FKBP9: variants seen among roughly 807,000 people sequenced by gnomAD.
FKBP9 encodes FKBP prolyl isomerase 9.
Under a neutral mutation model 55.6 loss-of-function variants are expected in FKBP9, and 27 were observed. That is an observed-to-expected ratio of 0.49 (90% CI 0.36 to 0.67). FKBP9 has a LOEUF of 0.67. Among genes scored for constraint, FKBP9 ranks in the 30% least tolerant of loss-of-function variants. FKBP9 has a pLI of 0.00. For synonymous variants in FKBP9, 267 were observed against 296.5 expected (o/e 0.90, Z 1.02); for missense variants, 539 against 742.8 (o/e 0.73, Z 3.19).
intron 1 of FKBP9, among the ~76,000 whole-genome samples, chr7:32,969,442 T>C (rs1330647352): frequency 5.9e-5 from 9 of 152,192 alleles, no homozygotes; most frequent in Non-Finnish European, 1.3e-4. Flanking sequence ...TTCTTTTGCA[T>C]GTGGAGATCC....
At position 33,005,322 on chromosome 7, in the gene FKBP9, G is replaced by C. The variant is rs1433569572; in HGVS notation, c.1684G>C (p.Asp562His). 3 of 1,613,952 alleles carry C rather than the reference G, an allele frequency of 1.9e-6. No individual in the cohort carries two copies. Among genetic ancestry groups the C allele is most frequent in the Non-Finnish European group, 2.5e-6 (3 of 1,179,890 alleles). Reference sequence around the variant, plus strand: ...CACAGCCGAGGAATTTAAACTCAAAGACCAGGAAGCCAAACACGATGAACT... The same window carrying C: ...CACAGCCGAGGAATTTAAACTCAAACACCAGGAAGCCAAACACGATGAACT... ...KVTAEEFKLKDQEAKHDEL is the reference protein window; with the variant it reads ...KVTAEEFKLKHQEAKHDEL The change falls in exon 10 of 10, where the codon GAC becomes CAC. Residue 562 changes from aspartate (D) to histidine (H), a missense_variant. Around this residue, in one of 4 missense-constraint regions of FKBP9, gnomAD observed 102 missense variants for 200.7 expected, o/e 0.51. Coordinates refer to ENST00000242209, the MANE Select transcript of FKBP9 (RefSeq NM_007270.5).
At chr7:32,981,152 GC>G (rs879939478) in intron 5 of FKBP9, among the ~76,000 whole-genome samples, 9 of 151,334 alleles carry the variant, frequency 5.9e-5, no homozygotes, top group South Asian at 2.1e-4. Context: ...AGAGAGCTGG[GC>G]TCTAGCCCCT....
chr7:32,971,423 G>A (rs1413527781), intron 1 of FKBP9, among the ~76,000 whole-genome samples: 1 of 152,120 alleles, frequency 6.6e-6, no homozygotes, highest in African/African-American at 2.4e-5. Context: ...AGTTAATACT[G>A]TGAGGCAACA....
At chr7:32,957,878 C>A in intron 1 of FKBP9, 84 bp downstream of exon 1, 1 of 1,055,230 alleles carries the variant, frequency 9.5e-7, no homozygotes, top group South Asian at 2.0e-5. Context: ...GCCGGACCTC[C>A]CCTAGCTCCG....
At chr7:32,989,157 G>A (rs1784635323) in intron 6 of FKBP9, 1 of 152,144 alleles carries the variant, frequency 6.6e-6, no homozygotes, top group Non-Finnish European at 1.5e-5. Context: ...ACCATTGAAA[G>A]TAAGTGCAAA....
chr7:32,968,254 T>A (rs1192363238), intron 1 of FKBP9, among the ~76,000 whole-genome samples: 1 of 152,232 alleles, frequency 6.6e-6, no homozygotes, highest in East Asian at 1.9e-4. Context: ...TTGCCTAGGC[T>A]GGTCTTGAAC....
intron 1 of FKBP9, among the ~76,000 whole-genome samples, chr7:32,965,895 A>AGC (rs1401410615): frequency 2.2e-5 from 3 of 138,986 alleles, no homozygotes; most frequent in Non-Finnish European, 4.6e-5. Context: ...AGAGAGAGAG[A>AGC]GAGAGAGCCA....
chr7:33,005,155 C>T lies in FKBP9; in HGVS notation c.1537-20C>T. On this transcript the variant is annotated intron_variant, in intron 9 of 9. Transcript: ENST00000242209. Reference sequence around the variant, plus strand: ...CATGGCGGCTGAACTCATGGTCTTTCCTGTCCCCTTCTTTTCCAGTTCTCA... The same window carrying T: ...CATGGCGGCTGAACTCATGGTCTTTTCTGTCCCCTTCTTTTCCAGTTCTCA... 8 of 1,610,064 alleles carry T rather than the reference C, an allele frequency of 5.0e-6. No individual in the cohort carries two copies. Among genetic ancestry groups the T allele is most frequent in the Non-Finnish European group, 5.9e-6 (7 of 1,177,334 alleles).
intron 1 of FKBP9, among the ~76,000 whole-genome samples, chr7:32,964,928 G>A (rs961679535): frequency 1.3e-5 from 2 of 152,196 alleles, no homozygotes; most frequent in African/African-American, 4.8e-5. Flanking sequence ...GGCCAGTGGG[G>A]AGGTGAGTTT....
At chr7:33,002,900 G>T in intron 9 of FKBP9, 61 bp downstream of exon 9, 1 of 1,560,570 alleles carries the variant, frequency 6.4e-7, no homozygotes, top group South Asian at 1.2e-5. Flanking sequence ...TGGTAAGGCC[G>T]TGGGGCCGGT....
rs1313750958 is a variant in FKBP9 at position 33,002,238 on chromosome 7, A to G, written c.1373-438A>G. ...AATGTTTGCCTCCCTGGTTCAAGCA[A>G]TTCTCATGCCTCAGCTTCCCGAGTA... On this transcript the variant is annotated intron_variant, in intron 8 of 9. Transcript: ENST00000242209. Among the ~76,000 whole-genome samples the G allele has an allele frequency of 2.6e-5, 4 of 151,938 alleles. 1 individual carries two copies. The highest frequency in any genetic ancestry group is 9.7e-5 in the African/African-American group (4 of 41,346).
chr7:32,967,050 A>G (rs937861541), intron 1 of FKBP9, among the ~76,000 whole-genome samples: 3 of 152,106 alleles, frequency 2.0e-5, no homozygotes, highest in African/African-American at 7.2e-5. Context: ...CTGTAGGGTC[A>G]CCATGGATTG....
At chr7:32,976,101 T>G (rs1784358698) in intron 3 of FKBP9, among the ~76,000 whole-genome samples, 1 of 152,202 alleles carries the variant, frequency 6.6e-6, no homozygotes, top group South Asian at 2.1e-4. Context: ...TTTCTTCTCA[T>G]TAGAGCGTGT....
chr7:32,958,672 C>G (rs954626497), intron 1 of FKBP9, among the ~76,000 whole-genome samples: 3 of 152,200 alleles, frequency 2.0e-5, no homozygotes, highest in Non-Finnish European at 4.4e-5. Context: ...AAACAAAACA[C>G]AACACGACAC....
At chr7:32,964,329 C>G (rs1031457796) in intron 1 of FKBP9, among the ~76,000 whole-genome samples, 1 of 152,126 alleles carries the variant, frequency 6.6e-6, no homozygotes, top group African/African-American at 2.4e-5. Flanking sequence ...TTTAATTTGG[C>G]TGTATGGTAT....
rs774844987 is a variant in FKBP9 at position 33,005,248 on chromosome 7, T to C, written c.1610T>C (p.Ile537Thr). The change falls in exon 10 of 10, where the codon ATT becomes ACT. Residue 537 changes from isoleucine (I) to threonine (T), a missense_variant. Transcript: ENST00000242209. ...GCTCCTGGCTTTGATGCTGAGCTGA[T>C]TGTGAAGAATATGTTCACCAACCAG... is the stretch of plus-strand genomic sequence containing the variant. Reference protein sequence around the residue: ...KLAPGFDAELIVKNMFTNQDR... With the variant: ...KLAPGFDAELTVKNMFTNQDR... 5 of 1,614,062 alleles carry C rather than the reference T, an allele frequency of 3.1e-6. No individual in the cohort carries two copies. Among genetic ancestry groups the C allele is most frequent in the East Asian group, 2.2e-5 (1 of 44,886 alleles).
chr7:32,961,254 G>A (rs377055688), intron 1 of FKBP9, among the ~76,000 whole-genome samples: 1 of 152,154 alleles, frequency 6.6e-6, no homozygotes, highest in East Asian at 1.9e-4. Context: ...CAGACCCCAA[G>A]GTCCAGGCTT....
chr7:32,997,015 C>G (rs568596596), intron 7 of FKBP9, among the ~76,000 whole-genome samples: 1 of 151,562 alleles, frequency 6.6e-6, no homozygotes, highest in East Asian at 2.0e-4. Context: ...AGGATGGTCT[C>G]GATCTCCTGA....
intron 7 of FKBP9, among the ~76,000 whole-genome samples, chr7:32,996,712 TTC>T (rs368627884): frequency 1.1e-4 from 16 of 141,836 alleles, no homozygotes; most frequent in Admixed American, 4.9e-4. Flanking sequence ...CTTTCTCTCT[TTC>T]TCTCTTTTTT....
Sources: allele counts gnomAD v4.1 joint callset (sites outside exome capture counted in the v4.1 genomes callset), GRCh38; gene constraint gnomAD v4.1.1; regional missense constraint gnomAD v4.1.1; transcripts MANE v1.5; gene names NCBI Gene and HGNC (gene_info 2026-07-23, HGNC 2026-07-21).